ATP7B: variants seen among roughly 807,000 people sequenced by gnomAD.
ATP7B encodes ATPase copper transporting beta.
In ATP7B, 113 loss-of-function variants were observed where a neutral mutation model predicts 118.9. The ratio of observed to expected loss-of-function variants is 0.95; its 90% CI spans 0.82 to 1.11. The LOEUF (loss-of-function observed/expected upper bound fraction) is 1.11, where lower values mean the gene tolerates loss of function less well. Ranked by LOEUF, ATP7B falls within the 50% of genes most tolerant of loss-of-function variation. The pLI, the probability that ATP7B is intolerant of heterozygous loss-of-function variation, is 0.00. For synonymous variants in ATP7B, 777 were observed against 727.4 expected (o/e 1.07, Z -1.10); for missense variants, 1,867 against 1,871.4 (o/e 1.00, Z 0.04).
intron 1 of ATP7B, among the ~76,000 whole-genome samples, chr13:51,984,062 G>A (rs148105626): frequency 0.015 from 2,285 of 152,054 alleles, 75 homozygotes; most frequent in Admixed American, 0.081. Context: ...TGGAGAATGC[G>A]TTTAACAAAT....
intron 14 of ATP7B, among the ~76,000 whole-genome samples, chr13:51,942,784 T>C (rs1339460871): frequency 6.6e-6 from 1 of 152,158 alleles, no homozygotes; most frequent in Non-Finnish European, 1.5e-5. Flanking sequence ...AGCTGTAAGT[T>C]GAATGAGACT....
chr13:51,987,282 G>A (rs1952702065), intron 1 of ATP7B, among the ~76,000 whole-genome samples: 1 of 151,406 alleles, frequency 6.6e-6, no homozygotes, highest in South Asian at 2.1e-4. Flanking sequence ...ATAACAGAAA[G>A]CCAAATCATG....
At chr13:51,968,692 A>C in intron 3 of ATP7B, 85 bp from the exon 4 acceptor site, 1 of 1,486,028 alleles carries the variant, frequency 6.7e-7, no homozygotes. Flanking sequence ...ACAAAGAAAC[A>C]CATCTTCCCA....
chr13:51,987,799 GC>G (rs1339761998), intron 1 of ATP7B, among the ~76,000 whole-genome samples: 136 of 151,906 alleles, frequency 9.0e-4, no homozygotes, highest in African/African-American at 2.8e-3. Context: ...CCTGACAAAA[GC>G]AATGGGGAAA....
At chr13:52,011,203 G>A (rs1411001941) in intron 1 of ATP7B, 84 bp downstream of exon 1, 5 of 1,605,596 alleles carry the variant, frequency 3.1e-6, no homozygotes, top group East Asian at 2.2e-5. Flanking sequence ...CACCCCCTGG[G>A]GGCGAGTAAG....
At position 51,942,396 on chromosome 13, in the gene ATP7B, G is replaced by A. The variant is rs145887771; in HGVS notation, c.3402C>T (p.Pro1134=). Residue 1134 remains proline (P), a synonymous_variant, in exon 15 of 21, where the codon CCC becomes CCT. Coordinates refer to ENST00000242839, the MANE Select transcript of ATP7B (RefSeq NM_000053.4). ...AAAAGCCAGCAATACCTTTTTCTGC[G>A]GGAAGGCTGCCAGCCTCATTCAGGT... ...ASHLNEAGSL[P]AEKDAVPQTF... The A allele has an allele frequency of 8.2e-5, 133 of 1,613,962 alleles. No homozygotes were observed. Among genetic ancestry groups the A allele is most frequent in the Admixed American group, 1.7e-4 (10 of 60,016 alleles).
At chr13:51,944,372 C>G (rs1247270906) in intron 13 of ATP7B, 81 bp from the exon 14 acceptor site, 1 of 1,549,252 alleles carries the variant, frequency 6.5e-7, no homozygotes, top group Non-Finnish European at 8.8e-7. Flanking sequence ...CAGAACTTCA[C>G]CCAACCTGCC....
chr13:51,946,376 C>T lies in ATP7B; in HGVS notation c.2968G>A (p.Ala990Thr). The T allele has an allele frequency of 6.2e-7, 1 of 1,613,662 alleles. No homozygotes were observed. The highest frequency in any genetic ancestry group is 8.5e-7 in the Non-Finnish European group (1 of 1,179,980). ...CIACPCSLGL[A>T]TPTAVMVGTG... ...CCCACCATGACAGCCGTGGGCGTGG[C>T]CAGCCCCAGGGAGCAGGGGCAGGCA... is the stretch of plus-strand genomic sequence containing the variant. Residue 990 changes from alanine (A) to threonine (T), a missense_variant, in exon 13 of 21, where the codon GCC becomes ACC. Coordinates refer to ENST00000242839, the MANE Select transcript of ATP7B (RefSeq NM_000053.4).
chr13:51,999,019 CAAG>C (rs942185072), intron 1 of ATP7B, among the ~76,000 whole-genome samples: 5 of 152,120 alleles, frequency 3.3e-5, no homozygotes, highest in Non-Finnish European at 5.9e-5. Flanking sequence ...GTTGGGTTCC[CAAG>C]AAGAGAACAT....
chr13:51,989,467 A>C (rs933144048), intron 1 of ATP7B, among the ~76,000 whole-genome samples: 20 of 152,056 alleles, frequency 1.3e-4, no homozygotes, highest in African/African-American at 4.8e-4. Context: ...GCTTCTCTCA[A>C]CCACAGCAAG....
intron 7 of ATP7B, chr13:51,958,790 T>C (rs1958530458): frequency 1.5e-5 from 8 of 547,608 alleles, no homozygotes; most frequent in Non-Finnish European, 2.6e-5. Context: ...AAATGTCCTC[T>C]AATAAGAGAA....
chr13:51,950,744 G>A (rs929819406), intron 9 of ATP7B, among the ~76,000 whole-genome samples: 4 of 151,554 alleles, frequency 2.6e-5, no homozygotes, highest in Non-Finnish European at 4.4e-5. Flanking sequence ...TCTTAGAGTG[G>A]CAGAGGGAGG....
At chr13:51,987,931 G>GT (rs1447515148) in intron 1 of ATP7B, among the ~76,000 whole-genome samples, 7 of 152,188 alleles carry the variant, frequency 4.6e-5, no homozygotes, top group African/African-American at 1.7e-4. Flanking sequence ...AAACTTAAAC[G>GT]TAAGACCTAA....
rs576378180 is a variant in ATP7B at position 51,978,454 on chromosome 13, T to G, written c.52-3286A>C. On this transcript the variant is annotated intron_variant, in intron 1 of 20. Transcript: ENST00000242839. ...AACCTCTCTGGAGGGCAATTTGCAATACCTATTAAAATTACAAATTTACGT... is the reference window on the plus strand; with the variant it reads ...AACCTCTCTGGAGGGCAATTTGCAAGACCTATTAAAATTACAAATTTACGT... Among the ~76,000 whole-genome samples, 6 of 152,344 alleles carry G rather than the reference T, an allele frequency of 3.9e-5. No homozygotes were observed. In the East Asian group the frequency reaches 1.2e-3, roughly 29 times the overall value.
At chr13:51,994,919 A>C (rs751576207) in intron 1 of ATP7B, among the ~76,000 whole-genome samples, 16 of 152,230 alleles carry the variant, frequency 1.1e-4, no homozygotes, top group Non-Finnish European at 2.1e-4. Flanking sequence ...CTTTGGAGTA[A>C]CAAAACTTCA....
At chr13:51,952,278 G>C (rs1288743797) in intron 9 of ATP7B, among the ~76,000 whole-genome samples, 1 of 152,246 alleles carries the variant, frequency 6.6e-6, no homozygotes, top group Non-Finnish European at 1.5e-5. Context: ...CTCACTAAAA[G>C]CATGGCATGG....
chr13:51,935,179 T>C lies in ATP7B; in HGVS notation c.4125-150A>G, dbSNP rs970052373. 4.2e-6 allele frequency: 5 copies of C among 1,192,160 alleles called. No individual in the cohort carries two copies. The African/African-American group carries it at 7.7e-5, about 18-fold the overall frequency. 73.8% of individuals were successfully genotyped at this position (1,192,160 alleles called of 1,614,324 possible). ...CCAAGGAAAAGGACATTAAACTCCCTATGGTTCCAGGAAAGCTCACCTGAT... is the reference window on the plus strand; with the variant it reads ...CCAAGGAAAAGGACATTAAACTCCCCATGGTTCCAGGAAAGCTCACCTGAT... On this transcript the variant is annotated intron_variant, in intron 20 of 20. Transcript: ENST00000242839.
chr13:52,000,722 T>C (rs1470615993), intron 1 of ATP7B, among the ~76,000 whole-genome samples: 1 of 152,182 alleles, frequency 6.6e-6, no homozygotes, highest in Non-Finnish European at 1.5e-5. Context: ...GGATCCCTCT[T>C]TGATAAGAAT....
chr13:51,995,678 C>T (rs1953170904), intron 1 of ATP7B, among the ~76,000 whole-genome samples: 1 of 152,220 alleles, frequency 6.6e-6, no homozygotes, highest in Non-Finnish European at 1.5e-5. Context: ...CACCCTTCTA[C>T]TCCTGACCCA....
Sources: allele counts gnomAD v4.1 joint callset (sites outside exome capture counted in the v4.1 genomes callset), GRCh38; gene constraint gnomAD v4.1.1; transcripts MANE v1.5; gene names NCBI Gene and HGNC (gene_info 2026-07-23, HGNC 2026-07-21).